PKIA: variants seen among roughly 807,000 people sequenced by gnomAD.
The protein encoded by PKIA is cAMP-dependent protein kinase inhibitor alpha.
A neutral mutation model predicts 7.6 loss-of-function variants in PKIA; 4 were observed. The ratio of observed to expected loss-of-function variants is 0.52; its 90% CI spans 0.26 to 1.20. The LOEUF (loss-of-function observed/expected upper bound fraction) is 1.20. Among genes scored for constraint, PKIA ranks in the 50% most tolerant of loss-of-function variants. The probability of loss-of-function intolerance (pLI) is 0.13; values close to 1 mark genes in which losing one functional copy is unlikely to be tolerated. For synonymous variants in PKIA, 21 were observed against 30.7 expected (o/e 0.68, Z 1.04); for missense variants, 73 against 86.2 (o/e 0.85, Z 0.61).
At chr8:78,533,623 G>C (rs541437769) in intron 1 of PKIA, among the ~76,000 whole-genome samples, 7 of 152,224 alleles carry the variant, frequency 4.6e-5, no homozygotes, top group African/African-American at 1.7e-4. Flanking sequence ...TTAGAAGACT[G>C]AGATGGAGGA....
intron 1 of PKIA, among the ~76,000 whole-genome samples, chr8:78,539,418 T>C (rs1169148108): frequency 6.6e-6 from 1 of 152,112 alleles, no homozygotes; most frequent in Non-Finnish European, 1.5e-5. Context: ...TCTGACTCCA[T>C]TTACTTCTGT....
Position 78,559,484 on chromosome 8 carries a change from G to GAAC in PKIA, c.-156-13325_-156-13324insCAA, listed in dbSNP as rs557455411. On this transcript the variant is annotated intron_variant, in intron 1 of 3. Coordinates refer to ENST00000396418, the MANE Select transcript of PKIA (RefSeq NM_006823.4). ...ATAACCTAAAAAGTGTGGTTTTGAT[G>GAAC]AAAACTGAAGAGTTATACCTTTATG... 4.6e-5 allele frequency among the ~76,000 whole-genome samples: 7 copies of GAAC among 152,288 alleles called. No homozygotes were observed. The South Asian group carries it at 1.5e-3, about 32-fold the overall frequency.
At chr8:78,568,203 C>G (rs13254621) in intron 1 of PKIA, among the ~76,000 whole-genome samples, 20,318 of 152,134 alleles carry the variant, frequency 0.13, 1,632 homozygotes, top group African/African-American at 0.21. Flanking sequence ...ATATGTACAT[C>G]AAGCTAAGGA....
intron 1 of PKIA, among the ~76,000 whole-genome samples, chr8:78,537,419 A>G (rs370018567): frequency 1.6e-4 from 24 of 152,164 alleles, no homozygotes; most frequent in African/African-American, 5.3e-4. Context: ...TGCCTTTAAG[A>G]GGTGGAAAGC....
At chr8:78,550,316 T>C (rs1033132644) in intron 1 of PKIA, among the ~76,000 whole-genome samples, 2 of 152,160 alleles carry the variant, frequency 1.3e-5, no homozygotes, top group African/African-American at 4.8e-5. Context: ...ATTATCTTTC[T>C]TGATTATTAC....
chr8:78,521,366 T>C lies in PKIA; in HGVS notation c.-157+4898T>C, dbSNP rs1410492834. ...CTCCTAGGTTCTAAAACAAGTGCCA[T>C]CCTGAAAGAGCTGCATATCATTTTA... is the stretch of plus-strand genomic sequence containing the variant. On this transcript the variant is annotated intron_variant, in intron 1 of 3. Transcript: ENST00000396418. Among the ~76,000 whole-genome samples the C allele has an allele frequency of 2.0e-5, 3 of 152,192 alleles. No homozygotes were observed. The East Asian group carries it at 5.8e-4, about 29-fold the overall frequency.
chr8:78,602,095 CT>C lies in PKIA; in HGVS notation c.*276del. The C allele has an allele frequency of 2.4e-6, 1 of 422,052 alleles. No homozygotes were observed. The highest frequency in any genetic ancestry group is 3.3e-5 in the South Asian group (1 of 30,562). The allele number at this position is 422,052 out of a possible 1,614,324, so 26.1% of individuals were successfully genotyped here. On this transcript the variant is annotated 3_prime_UTR_variant, in exon 4 of 4. Coordinates refer to ENST00000396418, the MANE Select transcript of PKIA (RefSeq NM_006823.4). ...TTTCACTTGATCATATGACGAAATG[CT>C]TATAGAGAGTAGCTCCGACCTAGAT...
chr8:78,537,177 G>T (rs1806548768), intron 1 of PKIA, among the ~76,000 whole-genome samples: 2 of 140,016 alleles, frequency 1.4e-5, no homozygotes, highest in African/African-American at 5.2e-5. Flanking sequence ...GTTTAGTTTA[G>T]TTTTTTTTTT....
chr8:78,586,417 T>G (rs911023700), intron 2 of PKIA, among the ~76,000 whole-genome samples: 4 of 152,164 alleles, frequency 2.6e-5, no homozygotes, highest in Non-Finnish European at 5.9e-5. Flanking sequence ...TTTTCATAGG[T>G]CTTTCTCAAA....
chr8:78,547,589 G>A (rs1043001321), intron 1 of PKIA, among the ~76,000 whole-genome samples: 1 of 152,108 alleles, frequency 6.6e-6, no homozygotes, highest in African/African-American at 2.4e-5. Context: ...TGAGTCATAT[G>A]AATACTTGTT....
chr8:78,534,503 T>C (rs1305748128), intron 1 of PKIA: 2 of 152,152 alleles, frequency 1.3e-5, no homozygotes, highest in Admixed American at 1.3e-4. Flanking sequence ...GACAGATTGC[T>C]TCCAACGCTA....
chr8:78,556,441 T>TG (rs1679978198), intron 1 of PKIA: 1 of 145,750 alleles, frequency 6.9e-6, no homozygotes, highest in African/African-American at 2.7e-5. Flanking sequence ...AATGGGATTT[T>TG]GTTTTTTTTT....
chr8:78,516,513 C>A (rs1032240020), intron 1 of PKIA, 45 bp downstream of exon 1: 1 of 152,432 alleles, frequency 6.6e-6, no homozygotes, highest in Non-Finnish European at 1.5e-5. Flanking sequence ...CTGCGTGGAG[C>A]TTTCCGCTTG....
chr8:78,520,513 T>C (rs1188223677), intron 1 of PKIA, among the ~76,000 whole-genome samples: 1 of 152,168 alleles, frequency 6.6e-6, no homozygotes, highest in Non-Finnish European at 1.5e-5. Flanking sequence ...AATTTTACAC[T>C]AAGAAAACTG....
intron 1 of PKIA, among the ~76,000 whole-genome samples, chr8:78,541,993 G>C (rs368262599): frequency 6.6e-6 from 1 of 151,794 alleles, no homozygotes; most frequent in South Asian, 2.1e-4. Flanking sequence ...ACCATAGTAA[G>C]ACCCTATCTC....
At chr8:78,555,030 T>A (rs1375406599) in intron 1 of PKIA, among the ~76,000 whole-genome samples, 1 of 152,044 alleles carries the variant, frequency 6.6e-6, no homozygotes, top group African/African-American at 2.4e-5. Context: ...ATCTGCGTTT[T>A]CTGCACTGTG....
Position 78,603,521 on chromosome 8 carries a change from C to G in PKIA, c.*1700C>G, listed in dbSNP as rs1808404352. On this transcript the variant is annotated 3_prime_UTR_variant, in exon 4 of 4. Coordinates refer to ENST00000396418, the MANE Select transcript of PKIA (RefSeq NM_006823.4). ...TAGAAAAAAAATTAATAATGTGAGC[C>G]TTTCCGAGAGCAGAACGAGGAAAGA... 6.6e-6 allele frequency: 1 copy of G among 151,946 alleles called. No homozygotes were observed. Among genetic ancestry groups the G allele is most frequent in the Non-Finnish European group, 1.5e-5 (1 of 67,948 alleles). 9.4% of individuals were successfully genotyped at this position (151,946 alleles called of 1,614,324 possible).
chr8:78,587,674 A>G (rs1007776698), intron 2 of PKIA, among the ~76,000 whole-genome samples: 7 of 152,338 alleles, frequency 4.6e-5, no homozygotes, highest in African/African-American at 1.7e-4. Flanking sequence ...AACTTAAAAG[A>G]GGAAGCCATC....
chr8:78,576,814 C>A (rs1336101559), intron 2 of PKIA, among the ~76,000 whole-genome samples: 1 of 151,966 alleles, frequency 6.6e-6, no homozygotes, highest in Non-Finnish European at 1.5e-5. Context: ...TTAGACCCAA[C>A]AATCACATTA....
Sources: gnomAD v4.1 joint callset for allele counts (sites outside exome capture counted in the v4.1 genomes callset) on GRCh38, gnomAD v4.1.1 for gene constraint, MANE v1.5 for transcripts, NCBI Gene and HGNC (gene_info 2026-07-23, HGNC 2026-07-21) for gene names.